NCKAP1L: variants seen among roughly 807,000 people sequenced by gnomAD.
NCKAP1L encodes the protein NCK associated protein 1 like.
A neutral mutation model predicts 139.2 loss-of-function variants in NCKAP1L; 53 were observed. The observed-to-expected ratio is 0.38, with a 90% CI of 0.31 to 0.48. NCKAP1L has a LOEUF of 0.48. Ranked by LOEUF, NCKAP1L falls within the 20% of genes least tolerant of loss-of-function variation. NCKAP1L has a pLI of 0.98. For missense variants in NCKAP1L, 1,151 were observed against 1,381.9 expected (o/e 0.83, Z 2.65); for synonymous variants, 468 against 499.7 (o/e 0.94, Z 0.85).
Position 54,518,728 on chromosome 12 carries a change from A to G in NCKAP1L, c.1416A>G (p.Lys472=), listed in dbSNP as rs780525897. The G allele has an allele frequency of 1.2e-6, 2 of 1,612,386 alleles. No homozygotes were observed. Among genetic ancestry groups the G allele is most frequent in the Non-Finnish European group, 1.7e-6 (2 of 1,178,412 alleles). Residue 472 remains lysine (K), a synonymous_variant, in exon 14 of 31, where the codon AAA becomes AAG. Transcript: ENST00000293373. ...FVSILSSLNL[K]QVDNGEKFEF... is the part of the protein sequence containing the mutation. Reference sequence around the variant, plus strand: ...GTATCCTCTCCTCTCTGAATCTCAAACAAGGTAACTGGAGGGAGGTGGGGG... The same window carrying G: ...GTATCCTCTCCTCTCTGAATCTCAAGCAAGGTAACTGGAGGGAGGTGGGGG...
intron 21 of NCKAP1L, among the ~76,000 whole-genome samples, chr12:54,527,766 A>G (rs998016765): frequency 2.0e-5 from 3 of 152,226 alleles, no homozygotes; most frequent in African/African-American, 7.2e-5. Context: ...CATTGGCTGT[A>G]GCCCAGCTCC....
chr12:54,538,883 G>A lies in NCKAP1L; in HGVS notation c.3184-1G>A. The A allele has an allele frequency of 1.9e-6, 3 of 1,613,684 alleles. No homozygotes were observed. The highest frequency in any genetic ancestry group is 2.5e-6 in the Non-Finnish European group (3 of 1,179,674). On this transcript the variant is annotated splice_acceptor_variant, in intron 29 of 30. Coordinates refer to ENST00000293373, the MANE Select transcript of NCKAP1L (RefSeq NM_005337.5). LOFTEE classifies it high-confidence loss of function. ...CTGCTTTACAAATTCTTCCCTTACA[G>A]GTGGCCTCTGTCAGCCTCTTGCAGC...
In NCKAP1L at chr12:54,546,946, T is replaced by G. The variant is rs1957202591; in HGVS notation, c.*4261T>G. The G allele has an allele frequency of 1.3e-5, 2 of 152,222 alleles. No individual in the cohort carries two copies. The highest frequency in any genetic ancestry group is 1.3e-4 in the Admixed American group (2 of 15,278). The allele number at this position is 152,222 out of a possible 1,614,324, so 9.4% of individuals were successfully genotyped here. A position where few individuals can be genotyped will look rare whatever the true frequency, so the allele number is the denominator to read the frequency against. Reference sequence around the variant, plus strand: ...AGGCAGATCACATCCATCCGTCACCTACTGCCAAAGCATCATTTTTGGTTT... The same window carrying G: ...AGGCAGATCACATCCATCCGTCACCGACTGCCAAAGCATCATTTTTGGTTT... On this transcript the variant is annotated 3_prime_UTR_variant, in exon 31 of 31. Transcript: ENST00000293373.
chr12:54,528,781 A>G (rs1298964046), intron 22 of NCKAP1L, among the ~76,000 whole-genome samples: 1 of 149,436 alleles, frequency 6.7e-6, no homozygotes, highest in Non-Finnish European at 1.5e-5. Context: ...AAATGCCACC[A>G]TGCTGGACTA....
intron 9 of NCKAP1L, among the ~76,000 whole-genome samples, chr12:54,515,051 CTTT>C (rs1565675888): frequency 6.6e-6 from 1 of 152,064 alleles, no homozygotes; most frequent in African/African-American, 2.4e-5. Flanking sequence ...GTATTAATAT[CTTT>C]TTTTATAAAT....
Position 54,547,497 on chromosome 12 carries a change from T to TGTTTGC in NCKAP1L, c.*4814_*4815insTTGCGT, listed in dbSNP as rs1957206522. 1.0e-5 allele frequency: 1 copy of TGTTTGC among 100,466 alleles called. No individual in the cohort carries two copies. The highest frequency in any genetic ancestry group is 2.1e-5 in the Non-Finnish European group (1 of 47,688). 6.2% of individuals were successfully genotyped at this position (100,466 alleles called of 1,614,324 possible). ...TCTCTTTCACGAATAACTTTGTGTG[T>TGTTTGC]GTGTGCGTGTGTGTGTGTGTGTGTG... On this transcript the variant is annotated 3_prime_UTR_variant, in exon 31 of 31. Coordinates refer to ENST00000293373, the MANE Select transcript of NCKAP1L (RefSeq NM_005337.5).
intron 16 of NCKAP1L, 111 bp downstream of exon 16, chr12:54,519,443 T>G: frequency 8.1e-6 from 8 of 989,374 alleles, no homozygotes; most frequent in Non-Finnish European, 1.1e-5. Flanking sequence ...TTTTTTTTTT[T>G]TTTTTTTAAA....
rs1004880578 is a variant in NCKAP1L at position 54,544,159 on chromosome 12, C to G, written c.*1474C>G. On this transcript the variant is annotated 3_prime_UTR_variant, in exon 31 of 31. Coordinates refer to ENST00000293373, the MANE Select transcript of NCKAP1L (RefSeq NM_005337.5). ...CGATAGAGAATCCTGCTTCGTGCAT[C>G]AGCAAATCCTCCTTCCTTGCTATGG... The G allele has an allele frequency of 2.0e-5, 3 of 152,222 alleles. No individual in the cohort carries two copies. Among genetic ancestry groups the G allele is most frequent in the African/African-American group, 7.2e-5 (3 of 41,450 alleles). The allele number at this position is 152,222 out of a possible 1,614,324, so 9.4% of individuals were successfully genotyped here.
intron 4 of NCKAP1L, 119 bp downstream of exon 4, chr12:54,508,028 G>A (rs1956857185): frequency 1.1e-6 from 1 of 878,112 alleles, no homozygotes; most frequent in Non-Finnish European, 1.9e-6. Flanking sequence ...TGGCTATTTT[G>A]TTTATTCCTT....
chr12:54,541,604 T>G (rs1021064698), intron 30 of NCKAP1L, among the ~76,000 whole-genome samples: 1 of 152,234 alleles, frequency 6.6e-6, no homozygotes, highest in African/African-American at 2.4e-5. Flanking sequence ...GCAGCTGTTG[T>G]GTGTGCATGT....
At chr12:54,512,239 A>C in intron 9 of NCKAP1L, 134 bp downstream of exon 9, 1 of 907,042 alleles carries the variant, frequency 1.1e-6, no homozygotes, top group Non-Finnish European at 1.6e-6. Context: ...AATATACATT[A>C]AATACCTACT....
At position 54,542,618 on chromosome 12, in the gene NCKAP1L, C is replaced by T; in HGVS notation, c.3317C>T (p.Ser1106Phe). 6.2e-7 allele frequency: 1 copy of T among 1,614,194 alleles called. No individual in the cohort carries two copies. The change falls in exon 31 of 31, where the codon TCC becomes TTC. Residue 1106 changes from serine to phenylalanine, a missense_variant. Physicochemically the swap from Ser to Phe is radical, Grantham distance 155 (BLOSUM62 -2). Coordinates refer to ENST00000293373, the MANE Select transcript of NCKAP1L (RefSeq NM_005337.5). ...SSFLTLDMLESCFPYVLLRNA... is the reference protein window; with the variant it reads ...SSFLTLDMLEFCFPYVLLRNA... Reference sequence around the variant, plus strand: ...TTCCTGACCCTGGACATGCTGGAGTCCTGTTTCCCTTATGTCCTGCTTCGA... The same window carrying T: ...TTCCTGACCCTGGACATGCTGGAGTTCTGTTTCCCTTATGTCCTGCTTCGA...
chr12:54,516,891 C>T lies in NCKAP1L; in HGVS notation c.999-5C>T. 6.2e-7 allele frequency: 1 copy of T among 1,611,246 alleles called. No individual in the cohort carries two copies. The highest frequency in any genetic ancestry group is 8.5e-7 in the Non-Finnish European group (1 of 1,178,230). ...TGATAGTCATGTTCCCCTTTTCTTC[C>T]TTAGTGGCCAGTTTCATTGTCAACG... On this transcript the variant is annotated splice_polypyrimidine_tract_variant and splice_region_variant and intron_variant, in intron 10 of 30. Coordinates refer to ENST00000293373, the MANE Select transcript of NCKAP1L (RefSeq NM_005337.5).
chr12:54,546,844 T>A lies in NCKAP1L; in HGVS notation c.*4159T>A, dbSNP rs1957201874. Reference sequence around the variant, plus strand: ...GCTGAGTTTGCAGCTCTGGAGAGATTGAGGAGCAGACTTTTCTCTTGTCAC... The same window carrying A: ...GCTGAGTTTGCAGCTCTGGAGAGATAGAGGAGCAGACTTTTCTCTTGTCAC... On this transcript the variant is annotated 3_prime_UTR_variant, in exon 31 of 31. Coordinates refer to ENST00000293373, the MANE Select transcript of NCKAP1L (RefSeq NM_005337.5). 1 of 152,166 alleles carries A rather than the reference T, an allele frequency of 6.6e-6. No homozygotes were observed. Among genetic ancestry groups the A allele is most frequent in the African/African-American group, 2.4e-5 (1 of 41,408 alleles). The allele number at this position is 152,166 out of a possible 1,614,324, so 9.4% of individuals were successfully genotyped here. A position where few individuals can be genotyped will look rare whatever the true frequency, so the allele number is the denominator to read the frequency against.
chr12:54,517,569 G>A lies in NCKAP1L; in HGVS notation c.1132G>A (p.Asp378Asn), dbSNP rs1956943746. ...FAFMALSFIR[D>N]EVTWLVRHTE... ...TTTCATGGCCCTGTCCTTCATTCGTGATGAGGTCACCTGGCTGGTTCGCCA... is the reference window on the plus strand; with the variant it reads ...TTTCATGGCCCTGTCCTTCATTCGTAATGAGGTCACCTGGCTGGTTCGCCA... Residue 378 changes from aspartate to asparagine, a missense_variant, in exon 12 of 31, where the codon GAT becomes AAT. By Grantham distance (23) the Asp-to-Asn change is conservative. Coordinates refer to ENST00000293373, the MANE Select transcript of NCKAP1L (RefSeq NM_005337.5). 7 of 1,613,988 alleles carry A rather than the reference G, an allele frequency of 4.3e-6. No homozygotes were observed. Among genetic ancestry groups the A allele is most frequent in the Non-Finnish European group, 5.9e-6 (7 of 1,180,018 alleles).
intron 2 of NCKAP1L, 102 bp from the exon 3 acceptor site, chr12:54,500,431 T>C (rs538223534): frequency 1.3e-5 from 11 of 836,192 alleles, no homozygotes; most frequent in Non-Finnish European, 2.2e-5. Context: ...GCCTCAACCC[T>C]CTTTAAGAAT....
intron 3 of NCKAP1L, among the ~76,000 whole-genome samples, chr12:54,507,240 G>T (rs747107010): frequency 3.9e-5 from 6 of 152,146 alleles, no homozygotes; most frequent in Middle Eastern, 3.2e-3. Flanking sequence ...GGGTGCTGAT[G>T]TTGGGGGAAA....
intron 9 of NCKAP1L, among the ~76,000 whole-genome samples, chr12:54,514,332 T>G (rs565054027): frequency 4.6e-5 from 7 of 152,028 alleles, no homozygotes; most frequent in Non-Finnish European, 8.8e-5. Context: ...TTTTCTTTTT[T>G]TTTTTGAGAC....
In NCKAP1L at chr12:54,507,985, C is replaced by T. The variant is rs1956856642; in HGVS notation, c.363+76C>T. The T allele has an allele frequency of 9.2e-6, 12 of 1,299,988 alleles. 1 individual carries two copies. In the South Asian group the frequency reaches 1.2e-4, roughly 13 times the overall value. 80.5% of individuals were successfully genotyped at this position (1,299,988 alleles called of 1,614,324 possible). A position where few individuals can be genotyped will look rare whatever the true frequency, so the allele number is the denominator to read the frequency against. Reference sequence around the variant, plus strand: ...GTCTAGGTTGGGAGGTCTAGGTCTACTCACAGGATGGGGTGGGAAGGGACT... The same window carrying T: ...GTCTAGGTTGGGAGGTCTAGGTCTATTCACAGGATGGGGTGGGAAGGGACT... On this transcript the variant is annotated intron_variant, in intron 4 of 30. Transcript: ENST00000293373.
Sources: gnomAD v4.1 joint callset for allele counts (sites outside exome capture counted in the v4.1 genomes callset) on GRCh38, gnomAD v4.1.1 for gene constraint, MANE v1.5 for transcripts, NCBI Gene and HGNC (gene_info 2026-07-23, HGNC 2026-07-21) for gene names.